Variants in CCDC91 observed in about 807,000 individuals in gnomAD.
CCDC91 encodes the protein coiled-coil domain-containing protein 91.
Under a neutral mutation model 63.2 loss-of-function variants are expected in CCDC91, and 48 were observed. The observed-to-expected ratio is 0.76, with a 90% CI of 0.60 to 0.97. CCDC91 has a LOEUF of 0.97. Ranked by LOEUF, CCDC91 falls within the 50% of genes least tolerant of loss-of-function variation. CCDC91 has a pLI of 0.00. For missense variants in CCDC91, 500 were observed against 494.6 expected (o/e 1.01, Z -0.10); for synonymous variants, 167 against 165.8 (o/e 1.01, Z -0.06).
chr12:28,474,720 G>A (rs1950993226), intron 11 of CCDC91, among the ~76,000 whole-genome samples: 1 of 151,332 alleles, frequency 6.6e-6, no homozygotes, highest in Non-Finnish European at 1.5e-5. Flanking sequence ...AGTAATGCCT[G>A]AAATTGTAAA....
At chr12:28,295,158 C>G (rs1223633936) in intron 3 of CCDC91, among the ~76,000 whole-genome samples, 2 of 152,040 alleles carry the variant, frequency 1.3e-5, no homozygotes, top group African/African-American at 2.4e-5. Flanking sequence ...CCTCCATTTG[C>G]AATTTATTTC....
At chr12:28,299,930 T>G (rs1937867218) in intron 3 of CCDC91, among the ~76,000 whole-genome samples, 1 of 151,516 alleles carries the variant, frequency 6.6e-6, no homozygotes. Context: ...ATATTATTGT[T>G]TTCCCCAGGT....
intron 6 of CCDC91, among the ~76,000 whole-genome samples, chr12:28,338,314 G>A (rs1381231281): frequency 1.5e-5 from 2 of 131,356 alleles, no homozygotes; most frequent in African/African-American, 5.6e-5. Context: ...CACCCCCATA[G>A]TGTTTTTTTT....
intron 1 of CCDC91, among the ~76,000 whole-genome samples, chr12:28,197,333 G>T (rs1941849444): frequency 6.6e-6 from 1 of 151,948 alleles, no homozygotes. Context: ...TAACTTTTCT[G>T]CCTATACTAT....
At chr12:28,406,744 T>G (rs562186279) in intron 8 of CCDC91, among the ~76,000 whole-genome samples, 49 of 144,956 alleles carry the variant, frequency 3.4e-4, no homozygotes, top group Non-Finnish European at 6.5e-4. Flanking sequence ...GTTTTATAGT[T>G]TTAATTCATA....
At chr12:28,292,353 TG>T (rs1949303361) in intron 3 of CCDC91, among the ~76,000 whole-genome samples, 1 of 152,192 alleles carries the variant, frequency 6.6e-6, no homozygotes. Context: ...TTAACTTTAA[TG>T]GATATAATAA....
intron 8 of CCDC91, among the ~76,000 whole-genome samples, chr12:28,396,642 TTTTGTGTGTGTGTGTGTGTGTGTG>T (rs1182548224): frequency 6.7e-6 from 1 of 148,508 alleles, no homozygotes; most frequent in Non-Finnish European, 1.5e-5. Context: ...ATAAAGGAGA[TTTTGTGTGTGTGTGTGTGTGTGTG>T]TGTGTGTGTG....
intron 3 of CCDC91, among the ~76,000 whole-genome samples, chr12:28,267,764 TATAATTA>T (rs1318450224): frequency 4.3e-5 from 3 of 70,000 alleles, no homozygotes; most frequent in Admixed American, 2.7e-4. Flanking sequence ...TATAATTATA[TATAATTA>T]TATTATTAAT....
At chr12:28,466,773 G>GTGC (rs1950570242) in intron 11 of CCDC91, among the ~76,000 whole-genome samples, 3 of 152,104 alleles carry the variant, frequency 2.0e-5, no homozygotes, top group Admixed American at 2.0e-4. Flanking sequence ...TCATCTGAAT[G>GTGC]TGCAAAACTC....
chr12:28,430,969 A>G (rs1401613676), intron 8 of CCDC91, among the ~76,000 whole-genome samples: 4 of 152,128 alleles, frequency 2.6e-5, no homozygotes, highest in Admixed American at 2.0e-4. Flanking sequence ...ATTGCCATTG[A>G]CTTAGGCTTG....
At chr12:28,222,315 G>T (rs572854486) in intron 1 of CCDC91, among the ~76,000 whole-genome samples, 1 of 152,158 alleles carries the variant, frequency 6.6e-6, no homozygotes, top group East Asian at 1.9e-4. Context: ...GGTGGTGCTG[G>T]TGCTGGTGAG....
At chr12:28,543,357 T>C (rs1942766757) in intron 12 of CCDC91, among the ~76,000 whole-genome samples, 1 of 152,110 alleles carries the variant, frequency 6.6e-6, no homozygotes, top group African/African-American at 2.4e-5. Context: ...TACAAGATCA[T>C]GTGCTAGCAA....
intron 12 of CCDC91, among the ~76,000 whole-genome samples, chr12:28,537,204 C>T (rs1044305098): frequency 2.0e-5 from 3 of 152,100 alleles, no homozygotes; most frequent in Admixed American, 6.5e-5. Context: ...ACTGCAGATG[C>T]TCTACATAGC....
chr12:28,445,462 G>C (rs1353540252), intron 8 of CCDC91, among the ~76,000 whole-genome samples: 1 of 152,184 alleles, frequency 6.6e-6, no homozygotes, highest in Non-Finnish European at 1.5e-5. Context: ...AGAGCAAGTT[G>C]TAATCTTAGC....
intron 11 of CCDC91, among the ~76,000 whole-genome samples, chr12:28,460,095 T>C (rs1430991407): frequency 6.6e-6 from 1 of 152,174 alleles, no homozygotes; most frequent in Non-Finnish European, 1.5e-5. Context: ...TTTGAGGACT[T>C]GCCTCCTCAG....
At chr12:28,387,253 T>C (rs1345987647) in intron 7 of CCDC91, among the ~76,000 whole-genome samples, 1 of 152,204 alleles carries the variant, frequency 6.6e-6, no homozygotes, top group Non-Finnish European at 1.5e-5. Flanking sequence ...AATCACACAA[T>C]GTTGAGCCAT....
At chr12:28,350,136 ATACCTTTG>A (rs1381537662) in intron 6 of CCDC91, among the ~76,000 whole-genome samples, 2 of 152,124 alleles carry the variant, frequency 1.3e-5, no homozygotes, top group Admixed American at 1.3e-4. Context: ...CTTTGCCTTT[ATACCTTTG>A]TACTATTACA....
At chr12:28,496,170 T>G (rs1437005009) in intron 12 of CCDC91, among the ~76,000 whole-genome samples, 1 of 151,668 alleles carries the variant, frequency 6.6e-6, no homozygotes, top group East Asian at 1.9e-4. Flanking sequence ...AAACCAAGGT[T>G]AAGCTTCTAT....
chr12:28,284,542 C>T (rs1213125233), intron 3 of CCDC91, among the ~76,000 whole-genome samples: 2 of 151,876 alleles, frequency 1.3e-5, no homozygotes, highest in South Asian at 2.1e-4. Context: ...ATCCCAGCTA[C>T]TCAGGAAGGC....
Sources: gnomAD v4.1 joint callset for allele counts (sites outside exome capture counted in the v4.1 genomes callset) on GRCh38, gnomAD v4.1.1 for gene constraint, MANE v1.5 for transcripts, NCBI Gene and HGNC (gene_info 2026-07-23, HGNC 2026-07-21) for gene names.